HDAC4: variants seen among roughly 807,000 people sequenced by gnomAD.
HDAC4 encodes the protein histone deacetylase 4.
A neutral mutation model predicts 135.1 loss-of-function variants in HDAC4; 16 were observed. The observed-to-expected ratio is 0.12, with a 90% CI of 0.08 to 0.18. The LOEUF (loss-of-function observed/expected upper bound fraction) is 0.18, where lower values mean the gene tolerates loss of function less well. Ranked by LOEUF, HDAC4 falls within the 10% of genes least tolerant of loss-of-function variation. The pLI, the probability that HDAC4 is intolerant of heterozygous loss-of-function variation, is 1.00. For missense variants in HDAC4, 1,143 were observed against 1,511.8 expected, an observed-to-expected ratio of 0.76 and a Z score of 4.05; for synonymous variants, 685 against 653.4, an observed-to-expected ratio of 1.05 and a Z score of -0.74.
chr2:239,324,442 C>T (rs2053410539), intron 2 of HDAC4, among the ~76,000 whole-genome samples: 1 of 152,188 alleles, frequency 6.6e-6, no homozygotes, highest in African/African-American at 2.4e-5. Flanking sequence ...TAAATAAATC[C>T]TACTCCCTGT....
At chr2:239,054,556 C>T (rs1436841874) in intron 25 of HDAC4, among the ~76,000 whole-genome samples, 193 bp downstream of exon 25, 1 of 152,136 alleles carries the variant, frequency 6.6e-6, no homozygotes, top group Non-Finnish European at 1.5e-5. Context: ...GGGGGAAATC[C>T]AGTCGGGGTT....
intron 1 of HDAC4, among the ~76,000 whole-genome samples, chr2:239,386,935 A>T (rs1414193411): frequency 6.6e-6 from 1 of 152,234 alleles, no homozygotes; most frequent in Non-Finnish European, 1.5e-5. Context: ...GGTGGCAGCG[A>T]TCAGAGGTGA....
chr2:239,104,010 G>T (rs1396274634), intron 15 of HDAC4, among the ~76,000 whole-genome samples: 1 of 152,186 alleles, frequency 6.6e-6, no homozygotes, highest in Non-Finnish European at 1.5e-5. Flanking sequence ...ACAAAACCGG[G>T]CTTCCTCTAT....
chr2:239,196,776 T>C (rs1209389573), intron 3 of HDAC4, among the ~76,000 whole-genome samples: 4 of 152,102 alleles, frequency 2.6e-5, no homozygotes, highest in Non-Finnish European at 5.9e-5. Flanking sequence ...GAAGACCCCC[T>C]TGGAGAAATG....
At chr2:239,057,632 C>G (rs1446584058) in intron 24 of HDAC4, among the ~76,000 whole-genome samples, 1 of 152,230 alleles carries the variant, frequency 6.6e-6, no homozygotes, top group African/African-American at 2.4e-5. Flanking sequence ...AAGAGCAAAT[C>G]CTTGTCAACC....
In HDAC4 at chr2:239,148,709, C is replaced by T. The variant is rs115010002; in HGVS notation, c.734-3995G>A. 9.3e-3 allele frequency among the ~76,000 whole-genome samples: 1,414 copies of T among 152,314 alleles called. 20 individuals are homozygous for T. The highest frequency in any genetic ancestry group is 0.032 in the African/African-American group (1,331 of 41,566). ...GACTTCTCCAAGAGCCACTGGAAGACGTGCATGACCAAGATGGCGAGGCCG... is the reference window on the plus strand; with the variant it reads ...GACTTCTCCAAGAGCCACTGGAAGATGTGCATGACCAAGATGGCGAGGCCG... On this transcript the variant is annotated intron_variant, in intron 7 of 26. Transcript: ENST00000543185.
intron 16 of HDAC4, among the ~76,000 whole-genome samples, chr2:239,098,745 T>C (rs1207467429): frequency 6.6e-6 from 1 of 152,172 alleles, no homozygotes; most frequent in Non-Finnish European, 1.5e-5. Context: ...AACACCTCAT[T>C]AGGGTTATGT....
chr2:239,338,408 T>C (rs1692086309), intron 2 of HDAC4, among the ~76,000 whole-genome samples: 1 of 152,082 alleles, frequency 6.6e-6, no homozygotes, highest in Admixed American at 6.6e-5. Flanking sequence ...GGAGGCCTTG[T>C]CTGACCCCTG....
At chr2:239,081,354 T>C (rs767074744) in intron 21 of HDAC4, among the ~76,000 whole-genome samples, 162 bp from the exon 22 acceptor site, 7 of 152,156 alleles carry the variant, frequency 4.6e-5, no homozygotes, top group Non-Finnish European at 8.8e-5. Context: ...AAGACGCGTG[T>C]GAAGGGGCCC....
At chr2:239,123,736 G>T (rs1483177961) in intron 12 of HDAC4, among the ~76,000 whole-genome samples, 6 of 152,228 alleles carry the variant, frequency 3.9e-5, no homozygotes, top group African/African-American at 2.4e-5. Flanking sequence ...GACCAGGCAG[G>T]CAGGAGGGGC....
chr2:239,136,597 A>G (rs578015553), intron 9 of HDAC4, among the ~76,000 whole-genome samples: 1 of 152,366 alleles, frequency 6.6e-6, no homozygotes, highest in African/African-American at 2.4e-5. Flanking sequence ...ACCAGAGTGA[A>G]GAGACGACCT....
chr2:239,178,045 C>T (rs2043882767), intron 4 of HDAC4, among the ~76,000 whole-genome samples: 1 of 152,238 alleles, frequency 6.6e-6, no homozygotes, highest in Non-Finnish European at 1.5e-5. Context: ...GATGGCTCCG[C>T]TCTCGTTCGC....
intron 4 of HDAC4, among the ~76,000 whole-genome samples, chr2:239,179,250 C>T (rs1014904892): frequency 6.6e-6 from 1 of 152,224 alleles, no homozygotes; most frequent in African/African-American, 2.4e-5. Flanking sequence ...ACTGTCGTCC[C>T]TGTGTATTCT....
At chr2:239,192,167 A>AC (rs1169648561) in intron 3 of HDAC4, among the ~76,000 whole-genome samples, 2 of 86,686 alleles carry the variant, frequency 2.3e-5, no homozygotes, top group Non-Finnish European at 4.4e-5. Context: ...GGGTCCGCCC[A>AC]CCCCCCACCC....
At chr2:239,133,857 T>C (rs2121980) in intron 11 of HDAC4, among the ~76,000 whole-genome samples, 90,876 of 152,092 alleles carry the variant, frequency 0.6, 28,141 homozygotes, top group East Asian at 0.88. Context: ...AATTGTATTT[T>C]TCTAAATGTA....
intron 3 of HDAC4, among the ~76,000 whole-genome samples, chr2:239,190,548 C>T (rs1163942579): frequency 1.3e-5 from 2 of 152,230 alleles, no homozygotes; most frequent in African/African-American, 2.4e-5. Context: ...TCGAAGTCAC[C>T]GTGCCGCTGT....
intron 23 of HDAC4, 151 bp from the exon 24 acceptor site, chr2:239,067,006 A>G (rs1408870017): frequency 1.1e-6 from 1 of 893,918 alleles, no homozygotes. Context: ...AATTCGCTGA[A>G]GAGTTTCGGC....
intron 1 of HDAC4, among the ~76,000 whole-genome samples, chr2:239,398,172 G>A (rs770618817): frequency 5.9e-5 from 9 of 152,220 alleles, no homozygotes; most frequent in South Asian, 2.1e-4. Flanking sequence ...CGGCCTCTGC[G>A]GCTCCTTCGC....
rs552327538 is a variant in HDAC4 at position 239,391,211 on chromosome 2, C to G, written c.-220+9767G>C. Among the ~76,000 whole-genome samples, 13 of 152,190 alleles carry G rather than the reference C, an allele frequency of 8.5e-5. No homozygotes were observed. The South Asian group carries it at 2.7e-3, about 32-fold the overall frequency. ...CAGGTCCCTAACAAGCGCAGCATGC[C>G]CTGGGGGCTGACAGTGTCCGTGGGA... On this transcript the variant is annotated intron_variant, in intron 1 of 26. Coordinates refer to ENST00000543185, the MANE Select transcript of HDAC4 (RefSeq NM_001378414.1).
Sources: gnomAD v4.1 joint callset for allele counts (sites outside exome capture counted in the v4.1 genomes callset) on GRCh38, gnomAD v4.1.1 for gene constraint, MANE v1.5 for transcripts, NCBI Gene and HGNC (gene_info 2026-07-23, HGNC 2026-07-21) for gene names.